The following RAB11FIP4 variants were observed in gnomAD, a reference collection of about 807,000 sequenced individuals.
RAB11FIP4 encodes rab11 family-interacting protein 4.
RAB11FIP4 carries 23 observed loss-of-function variants against 74.3 expected under a neutral mutation model. That is an observed-to-expected ratio of 0.31 (90% confidence interval 0.22 to 0.44). The LOEUF (loss-of-function observed/expected upper bound fraction) is 0.44, where lower values mean the gene tolerates loss of function less well. RAB11FIP4 is among the 20% of genes least tolerant of loss of function. RAB11FIP4 has a pLI of 1.00. For synonymous variants in RAB11FIP4, 360 were observed against 359.9 expected (o/e 1.00, Z 0.00); for missense variants, 630 against 863.9 (o/e 0.73, Z 3.39).
At chr17:31,455,709 G>A (rs1396757382) in intron 3 of RAB11FIP4, among the ~76,000 whole-genome samples, 1 of 152,058 alleles carries the variant, frequency 6.6e-6, no homozygotes. Flanking sequence ...CTGCCTTATC[G>A]AGCCCAGCCT....
intron 3 of RAB11FIP4, among the ~76,000 whole-genome samples, chr17:31,499,036 T>C (rs1045373504): frequency 1.1e-4 from 16 of 152,196 alleles, no homozygotes; most frequent in African/African-American, 3.1e-4. Flanking sequence ...GAGAGCCCTT[T>C]ATACGCACCC....
chr17:31,469,721 C>T lies in RAB11FIP4; in HGVS notation c.336+35599C>T, dbSNP rs533768184. Among the ~76,000 whole-genome samples the T allele has an allele frequency of 1.2e-3, 175 of 151,426 alleles. 1 individual carries two copies. The South Asian group carries it at 0.028, about 24-fold the overall frequency. On this transcript the variant is annotated intron_variant, in intron 3 of 14. Coordinates refer to ENST00000621161, the MANE Select transcript of RAB11FIP4 (RefSeq NM_032932.6). ...AAGGAAAGGCCTCTTTGAGACATTACGAAAGAGTAGGGAAGAATTCTTATT... is the reference window on the plus strand; with the variant it reads ...AAGGAAAGGCCTCTTTGAGACATTATGAAAGAGTAGGGAAGAATTCTTATT...
chr17:31,436,781 GTTTTTTTT>G (rs2071362175), intron 3 of RAB11FIP4, among the ~76,000 whole-genome samples: 1 of 30,366 alleles, frequency 3.3e-5, no homozygotes, highest in Non-Finnish European at 6.3e-5. Flanking sequence ...TTTGTTTTTT[GTTTTTTTT>G]GTTTTTTTTG....
chr17:31,393,233 GC>G (rs1424522073), intron 1 of RAB11FIP4, among the ~76,000 whole-genome samples: 1 of 152,250 alleles, frequency 6.6e-6, no homozygotes, highest in Non-Finnish European at 1.5e-5. Context: ...AGCCCAGACT[GC>G]CCTCTGCGGG....
At chr17:31,518,524 C>T (rs1170438520) in intron 4 of RAB11FIP4, 1 of 152,362 alleles carries the variant, frequency 6.6e-6, no homozygotes, top group East Asian at 1.9e-4. Flanking sequence ...CTCTAGTGCA[C>T]TATGCCGATC....
At chr17:31,447,421 C>T (rs1334324119) in intron 3 of RAB11FIP4, among the ~76,000 whole-genome samples, 2 of 152,180 alleles carry the variant, frequency 1.3e-5, no homozygotes, top group South Asian at 2.1e-4. Flanking sequence ...GCCGTTTGTG[C>T]GACAGCACTC....
chr17:31,419,675 C>G lies in RAB11FIP4; in HGVS notation c.160-12138C>G, dbSNP rs577306995. ...ACGCCATTCTCCTGCCTCAGCCTCCCGAGTAGCTGGGACTACAGGCGCCCA... is the reference window on the plus strand; with the variant it reads ...ACGCCATTCTCCTGCCTCAGCCTCCGGAGTAGCTGGGACTACAGGCGCCCA... On this transcript the variant is annotated intron_variant, in intron 1 of 14. Transcript: ENST00000621161. 1.2e-4 allele frequency among the ~76,000 whole-genome samples: 18 copies of G among 151,832 alleles called. No individual in the cohort carries two copies. The East Asian group carries it at 3.5e-3, about 29-fold the overall frequency.
chr17:31,459,284 G>A lies in RAB11FIP4; in HGVS notation c.336+25162G>A, dbSNP rs143833441. Among the ~76,000 whole-genome samples the A allele has an allele frequency of 6.7e-3, 1,024 of 152,206 alleles. 13 individuals are homozygous for A. The highest frequency in any genetic ancestry group is 0.023 in the African/African-American group (943 of 41,492). On this transcript the variant is annotated intron_variant, in intron 3 of 14. Coordinates refer to ENST00000621161, the MANE Select transcript of RAB11FIP4 (RefSeq NM_032932.6). ...AGACTCCTTCCTCTGAGATGGATGA[G>A]CCATGTGGTCTTGGGCAAAGCACTT...
chr17:31,399,024 G>A (rs145823466), intron 1 of RAB11FIP4, among the ~76,000 whole-genome samples: 12 of 152,170 alleles, frequency 7.9e-5, no homozygotes, highest in Non-Finnish European at 1.3e-4. Flanking sequence ...GGCAACCTTC[G>A]GCCGGCAGGA....
At chr17:31,402,503 T>C (rs1411537976) in intron 1 of RAB11FIP4, among the ~76,000 whole-genome samples, 1 of 152,148 alleles carries the variant, frequency 6.6e-6, no homozygotes, top group Non-Finnish European at 1.5e-5. Flanking sequence ...GAATCAACTC[T>C]TTTTTATGAT....
rs2072590795 is a variant in RAB11FIP4, at chr17:31,517,875, CAAGT to C, written c.562_563+2del. 6.4e-7 allele frequency: 1 copy of C among 1,551,204 alleles called. No homozygotes were observed. The highest frequency in any genetic ancestry group is 1.4e-5 in the African/African-American group (1 of 73,128). ...TTGGGGGCCTGTTTCTGCCAGAAGA[CAAGT>C]GAGTTAAAACCACCTGAAGCTCCAT... On this transcript the variant is annotated splice_donor_variant and coding_sequence_variant, in exon 4 of 15. Transcript: ENST00000621161. LOFTEE classifies it high-confidence loss of function.
intron 3 of RAB11FIP4, among the ~76,000 whole-genome samples, chr17:31,439,893 T>A (rs570844791): frequency 9.2e-5 from 14 of 152,290 alleles, no homozygotes; most frequent in Admixed American, 6.5e-4. Context: ...CACCTCGGCC[T>A]CCCAAAGTGC....
intron 3 of RAB11FIP4, among the ~76,000 whole-genome samples, chr17:31,478,198 G>T (rs1363515580): frequency 6.6e-6 from 1 of 151,944 alleles, no homozygotes; most frequent in Non-Finnish European, 1.5e-5. Context: ...TCACTATGTT[G>T]GCCAGGCTGG....
At chr17:31,405,882 A>AC in intron 1 of RAB11FIP4, among the ~76,000 whole-genome samples, 1 of 152,010 alleles carries the variant, frequency 6.6e-6, no homozygotes, top group Non-Finnish European at 1.5e-5. Context: ...CGAGGTGTTT[A>AC]CTGTGCCTGA....
At chr17:31,462,882 C>T (rs2071646487) in intron 3 of RAB11FIP4, among the ~76,000 whole-genome samples, 2 of 152,208 alleles carry the variant, frequency 1.3e-5, no homozygotes, top group Non-Finnish European at 2.9e-5. Flanking sequence ...ATGATCCGCC[C>T]GCCTCGGCCT....
In RAB11FIP4 at chr17:31,528,752, G is replaced by A. The variant is rs1567695600; in HGVS notation, c.1627G>A (p.Glu543Lys). ...TGCCAGGGCCCGCGAGGTGGAGCTCGAGCACGAGGTCAAGCGGCTCAAGCA... is the reference window on the plus strand; with the variant it reads ...TGCCAGGGCCCGCGAGGTGGAGCTCAAGCACGAGGTCAAGCGGCTCAAGCA... ...FNARAREVELEHEVKRLKQEN... is the reference protein window; with the variant it reads ...FNARAREVELKHEVKRLKQEN... The change falls in exon 13 of 15, where the codon GAG becomes AAG. Residue 543 changes from glutamate to lysine, a missense_variant. Transcript: ENST00000621161. The A allele has an allele frequency of 1.9e-6, 3 of 1,610,626 alleles. No individual in the cohort carries two copies. The highest frequency in any genetic ancestry group is 2.5e-6 in the Non-Finnish European group (3 of 1,179,352).
chr17:31,394,722 C>A (rs548301654), intron 1 of RAB11FIP4, among the ~76,000 whole-genome samples: 1 of 152,142 alleles, frequency 6.6e-6, no homozygotes, highest in Admixed American at 6.6e-5. Context: ...GCTGGAGAAG[C>A]AGTGCTTGGT....
rs1371643140 is a variant in RAB11FIP4, at chr17:31,536,169, G to C, written c.*4437G>C. 1 of 152,136 alleles carries C rather than the reference G, an allele frequency of 6.6e-6. No homozygotes were observed. Among genetic ancestry groups the C allele is most frequent in the Non-Finnish European group, 1.5e-5 (1 of 68,080 alleles). 9.4% of individuals were successfully genotyped at this position (152,136 alleles called of 1,614,324 possible). A position where few individuals can be genotyped will look rare whatever the true frequency, so the allele number is the denominator to read the frequency against. ...GCCCTCTGTGTCCTGTGTGTGTGGT[G>C]GGGTTTAATGCATTAGCAAATTTAA... On this transcript the variant is annotated 3_prime_UTR_variant, in exon 15 of 15. Transcript: ENST00000621161.
intron 3 of RAB11FIP4, among the ~76,000 whole-genome samples, chr17:31,470,713 C>CTGTCCTG (rs1010204089): frequency 1.3e-5 from 2 of 152,220 alleles, no homozygotes; most frequent in Admixed American, 6.5e-5. Flanking sequence ...GGCCTCTTAA[C>CTGTCCTG]TGTCCTGTGT....
Sources: gnomAD v4.1 joint callset for allele counts (sites outside exome capture counted in the v4.1 genomes callset) on GRCh38, gnomAD v4.1.1 for gene constraint, MANE v1.5 for transcripts, NCBI Gene and HGNC (gene_info 2026-07-23, HGNC 2026-07-21) for gene names.